Variants in ACSF2 observed in about 807,000 individuals in gnomAD.
The protein encoded by ACSF2 is medium-chain acyl-CoA ligase ACSF2, mitochondrial.
ACSF2 carries 52 observed loss-of-function variants against 79.3 expected under a neutral mutation model. The ratio of observed to expected loss-of-function variants is 0.66; its 90% CI spans 0.53 to 0.83. The LOEUF (loss-of-function observed/expected upper bound fraction) is 0.83, where lower values mean the gene tolerates loss of function less well. ACSF2 is among the 40% of genes least tolerant of loss of function. The pLI is 0.00. For missense variants in ACSF2, 661 were observed against 803.3 expected (o/e 0.82, Z 2.14); for synonymous variants, 283 against 312.6 (o/e 0.91, Z 1.00).
intron 2 of ACSF2, 90 bp downstream of exon 2, chr17:50,460,962 T>C: frequency 7.0e-7 from 1 of 1,422,276 alleles, no homozygotes. Flanking sequence ...GGCACCTGGC[T>C]ATGGGGCAAT....
chr17:50,437,047 A>G (rs2030487164), intron 1 of ACSF2, among the ~76,000 whole-genome samples: 1 of 152,220 alleles, frequency 6.6e-6, no homozygotes, highest in Non-Finnish European at 1.5e-5. Flanking sequence ...ATCAACGACC[A>G]CTGGAAGGTC....
intron 10 of ACSF2, chr17:50,465,189 G>A: frequency 7.3e-7 from 1 of 1,361,190 alleles, no homozygotes; most frequent in South Asian, 1.3e-5. Flanking sequence ...TAAAAATGGA[G>A]GGTCTGCCTG....
chr17:50,471,263 C>A lies in ACSF2; in HGVS notation c.1323+128C>A. 1 of 734,756 alleles carries A rather than the reference C, an allele frequency of 1.4e-6. No homozygotes were observed. Among genetic ancestry groups the A allele is most frequent in the South Asian group, 1.6e-5 (1 of 61,480 alleles). The allele number at this position is 734,756 out of a possible 1,614,324, so 45.5% of individuals were successfully genotyped here. ...ACTCAGGATGCCTAGAGCCCCCCAG[C>A]AGCAGGGGTGTGCTAGGCCTGGCCC... On this transcript the variant is annotated intron_variant, in intron 11 of 15. Coordinates refer to ENST00000300441, the MANE Select transcript of ACSF2 (RefSeq NM_025149.6). The surrounding 1 kb of genome is among the most constrained non-coding windows in gnomAD (Gnocchi z 4.1).
At chr17:50,458,232 G>A (rs780628327) in intron 1 of ACSF2, among the ~76,000 whole-genome samples, 4 of 152,142 alleles carry the variant, frequency 2.6e-5, no homozygotes, top group Non-Finnish European at 4.4e-5. Flanking sequence ...GCCCATGGGT[G>A]GAGAAAACCC....
Position 50,459,711 on chromosome 17 carries a change from G to C in ACSF2, c.129-966G>C, listed in dbSNP as rs567368936. 4.6e-5 allele frequency among the ~76,000 whole-genome samples: 7 copies of C among 152,198 alleles called. No homozygotes were observed. In the South Asian group the frequency reaches 1.2e-3, roughly 27 times the overall value. On this transcript the variant is annotated intron_variant, in intron 1 of 15. Coordinates refer to ENST00000300441, the MANE Select transcript of ACSF2 (RefSeq NM_025149.6). ...AAAGGCCGATGGAGAAAACTGGGGAGTAGGTTACTACTCCCGTGACTGCCC... is the reference window on the plus strand; with the variant it reads ...AAAGGCCGATGGAGAAAACTGGGGACTAGGTTACTACTCCCGTGACTGCCC...
chr17:50,468,286 G>A (rs2032874737), intron 10 of ACSF2: 1 of 1,612,808 alleles, frequency 6.2e-7, no homozygotes, highest in East Asian at 2.2e-5. Context: ...CCGACAGGTA[G>A]AGCCAGCGCA....
At chr17:50,428,518 C>T (rs920116840) in intron 1 of ACSF2, among the ~76,000 whole-genome samples, 24 of 150,354 alleles carry the variant, frequency 1.6e-4, no homozygotes, top group African/African-American at 5.9e-4. Context: ...AGCATGGTGG[C>T]TTATGCCTGT....
Position 50,450,670 on chromosome 17 carries a change from G to A in ACSF2, c.129-10007G>A, listed in dbSNP as rs546059397. On this transcript the variant is annotated intron_variant, in intron 1 of 15. Transcript: ENST00000300441. ...GAGGACTCTCTTTAGGGTCCTGTAT[G>A]TGCCTTCCACATTCCCTTCCTGTGC... 6.3e-5 allele frequency: 10 copies of A among 158,614 alleles called. No homozygotes were observed. In the South Asian group the frequency reaches 2.0e-3, roughly 31 times the overall value. The allele number at this position is 158,614 out of a possible 1,614,324, so 9.8% of individuals were successfully genotyped here. A position where few individuals can be genotyped will look rare whatever the true frequency, so the allele number is the denominator to read the frequency against.
chr17:50,462,083 G>C (rs2032374988), intron 4 of ACSF2, 101 bp from the exon 5 acceptor site: 1 of 928,906 alleles, frequency 1.1e-6, no homozygotes, highest in South Asian at 1.5e-5. Context: ...TGTGTCAGAA[G>C]CGGGTGCATC....
intron 1 of ACSF2, among the ~76,000 whole-genome samples, chr17:50,444,365 C>A (rs1190755836): frequency 6.6e-6 from 1 of 151,974 alleles, no homozygotes; most frequent in Non-Finnish European, 1.5e-5. Flanking sequence ...CTAACCTGGC[C>A]AACATGGCAA....
intron 1 of ACSF2, among the ~76,000 whole-genome samples, chr17:50,449,534 A>G (rs1176376685): frequency 6.9e-6 from 1 of 145,958 alleles, no homozygotes; most frequent in African/African-American, 2.5e-5. Flanking sequence ...CCTCCCAAGT[A>G]ACTGGGACTA....
At chr17:50,469,897 C>G (rs186544270) in intron 10 of ACSF2, 1 of 152,484 alleles carries the variant, frequency 6.6e-6, no homozygotes, top group Admixed American at 6.5e-5. Flanking sequence ...TGGGCAGTCC[C>G]GCCCCAGCCC....
intron 1 of ACSF2, among the ~76,000 whole-genome samples, chr17:50,448,328 A>G (rs1179815056): frequency 1.3e-5 from 2 of 152,238 alleles, no homozygotes; most frequent in African/African-American, 4.8e-5. Flanking sequence ...CATATATGCC[A>G]TCCATCATAA....
Position 50,471,533 on chromosome 17 carries a change from T to G in ACSF2, c.1323+398T>G, listed in dbSNP as rs1000954982. 6 of 228,590 alleles carry G rather than the reference T, an allele frequency of 2.6e-5. No homozygotes were observed. In the East Asian group the frequency reaches 5.7e-4, roughly 22 times the overall value. 14.2% of individuals were successfully genotyped at this position (228,590 alleles called of 1,614,324 possible). A position where few individuals can be genotyped will look rare whatever the true frequency, so the allele number is the denominator to read the frequency against. On this transcript the variant is annotated intron_variant, in intron 11 of 15. Coordinates refer to ENST00000300441, the MANE Select transcript of ACSF2 (RefSeq NM_025149.6). This position sits in a 1 kb window ranked among gnomAD's most constrained non-coding sequence, Gnocchi z 4.1. ...GCTTTAGCAGAGTTCTTCTTCTTGC[T>G]TGGCGTAAACACTTCATTTCCCAAG... is the stretch of plus-strand genomic sequence containing the variant.
chr17:50,462,929 G>C (rs544599875), intron 6 of ACSF2: 18 of 586,582 alleles, frequency 3.1e-5, no homozygotes, highest in Non-Finnish European at 5.4e-5. Context: ...GTGGGTGGCA[G>C]AGTTCTCTGG....
chr17:50,468,110 G>A (rs1230552271), intron 10 of ACSF2: 7 of 1,614,018 alleles, frequency 4.3e-6, no homozygotes, highest in Non-Finnish European at 4.2e-6. Flanking sequence ...GGCATTGTCC[G>A]GGATGCTTTT....
At chr17:50,468,360 A>G (rs747933539) in intron 10 of ACSF2, 2 of 1,614,212 alleles carry the variant, frequency 1.2e-6, no homozygotes, top group Non-Finnish European at 1.7e-6. Context: ...TTGAGCTGCA[A>G]GATGAAGAGG....
At chr17:50,472,692 C>T (rs113755649) in intron 12 of ACSF2, 113 bp downstream of exon 12, 1 of 1,287,216 alleles carries the variant, frequency 7.8e-7, no homozygotes, top group Non-Finnish European at 1.0e-6. Flanking sequence ...TCAAGATGAC[C>T]CCTCACATGC....
chr17:50,468,231 C>A (rs1314872416), intron 10 of ACSF2: 5 of 1,612,624 alleles, frequency 3.1e-6, no homozygotes, highest in Non-Finnish European at 4.2e-6. Flanking sequence ...GCGAGGTTCT[C>A]CACGTCGTCC....
Sources: gnomAD v4.1 joint callset for allele counts (sites outside exome capture counted in the v4.1 genomes callset) on GRCh38, gnomAD v4.1.1 for gene constraint, Gnocchi (gnomAD v3.1) non-coding constraint, MANE v1.5 for transcripts, NCBI Gene and HGNC (gene_info 2026-07-23, HGNC 2026-07-21) for gene names.